WASF3: variants seen among roughly 807,000 people sequenced by gnomAD.
WASF3 encodes actin-binding protein WASF3.
A neutral mutation model predicts 46.6 loss-of-function variants in WASF3; 11 were observed. The ratio of observed to expected loss-of-function variants is 0.24; its 90% CI spans 0.15 to 0.39. The LOEUF (loss-of-function observed/expected upper bound fraction) is 0.39. Ranked by LOEUF, WASF3 falls within the 10% of genes least tolerant of loss-of-function variation. WASF3 has a pLI of 1.00. For synonymous variants in WASF3, 242 were observed against 259.7 expected, an observed-to-expected ratio of 0.93 and a Z score of 0.65; for missense variants, 576 against 669.8, an observed-to-expected ratio of 0.86 and a Z score of 1.55.
chr13:26,675,481 TACACACACACACACACACAC>T (rs56162218), intron 6 of WASF3, among the ~76,000 whole-genome samples: 17 of 145,770 alleles, frequency 1.2e-4, no homozygotes, highest in South Asian at 2.3e-4. Flanking sequence ...TAGACACACA[TACACACACACACACACACAC>T]ACACACACAC....
intron 7 of WASF3, among the ~76,000 whole-genome samples, chr13:26,677,824 T>G (rs1883111077): frequency 6.6e-6 from 1 of 152,236 alleles, no homozygotes; most frequent in Admixed American, 6.5e-5. Context: ...ATGAACTTAA[T>G]AGCTCCCATG....
chr13:26,610,914 C>A lies in WASF3; in HGVS notation c.-108-2047C>A, dbSNP rs139667166. Among the ~76,000 whole-genome samples the A allele has an allele frequency of 2.0e-5, 3 of 152,050 alleles. No homozygotes were observed. In the East Asian group the frequency reaches 5.8e-4, roughly 29 times the overall value. On this transcript the variant is annotated intron_variant, in intron 1 of 9. Transcript: ENST00000335327. ...TATTCACAAAGTCTAGTTAATTCTT[C>A]AAGACTTTTATGGTTCTTGACTTAT...
chr13:26,662,151 A>T (rs1015971828), intron 3 of WASF3, among the ~76,000 whole-genome samples: 2 of 152,196 alleles, frequency 1.3e-5, no homozygotes, highest in Non-Finnish European at 2.9e-5. Context: ...AAAATAACAG[A>T]TGTTGGCAAT....
intron 1 of WASF3, among the ~76,000 whole-genome samples, chr13:26,570,329 T>A (rs1372284994): frequency 2.0e-5 from 3 of 152,046 alleles, no homozygotes; most frequent in African/African-American, 4.8e-5. Flanking sequence ...TGTTTTAGGG[T>A]CCTTGTTGAT....
chr13:26,643,984 C>T (rs1263196448), intron 3 of WASF3, among the ~76,000 whole-genome samples: 1 of 152,182 alleles, frequency 6.6e-6, no homozygotes, highest in African/African-American at 2.4e-5. Flanking sequence ...TGCTAGTCAG[C>T]TTACTTTAAG....
intron 2 of WASF3, among the ~76,000 whole-genome samples, chr13:26,624,116 G>A (rs67396110): frequency 0.064 from 9,747 of 152,234 alleles, 842 homozygotes; most frequent in African/African-American, 0.19. Flanking sequence ...AAAGAATGAC[G>A]TGTTGTAAAT....
intron 1 of WASF3, among the ~76,000 whole-genome samples, chr13:26,588,671 TAA>T (rs1187871911): frequency 6.6e-6 from 1 of 152,214 alleles, no homozygotes; most frequent in Non-Finnish European, 1.5e-5. Flanking sequence ...CTTCCTCCAG[TAA>T]AGTGTCAGAG....
intron 5 of WASF3, among the ~76,000 whole-genome samples, chr13:26,669,636 C>A (rs1459550669): frequency 6.6e-6 from 1 of 152,150 alleles, no homozygotes; most frequent in Non-Finnish European, 1.5e-5. Flanking sequence ...GCCTCAGCCT[C>A]CCAAGTAGTT....
At chr13:26,548,968 T>C in the WASF3 span, among the ~76,000 whole-genome samples, 1 of 148,960 alleles carries the variant, frequency 6.7e-6, no homozygotes, top group South Asian at 2.2e-4. Context: ...CTACATTTTA[T>C]TTTTCTTTCT....
intron 3 of WASF3, among the ~76,000 whole-genome samples, chr13:26,662,429 A>G (rs1212440966): frequency 1.3e-5 from 2 of 152,244 alleles, no homozygotes; most frequent in Non-Finnish European, 2.9e-5. Flanking sequence ...TGGATTGGAT[A>G]AAGAAAATGT....
intron 1 of WASF3, among the ~76,000 whole-genome samples, chr13:26,596,718 G>A (rs1880474561): frequency 1.3e-5 from 2 of 152,054 alleles, no homozygotes; most frequent in African/African-American, 4.8e-5. Context: ...TATTTCTTAA[G>A]ATATCTTTTA....
At position 26,559,804 on chromosome 13, in the gene WASF3, CTTTCTTTTTTTTTTTTT is replaced by C. The variant is rs1414783945; in HGVS notation, c.-109+1989_-109+2005del. 1.4e-4 allele frequency among the ~76,000 whole-genome samples: 7 copies of C among 50,662 alleles called. No individual in the cohort carries two copies. In the East Asian group the frequency reaches 2.1e-3, roughly 15 times the overall value. The allele number at this position is 50,662 out of a possible 152,430, so 33.2% of individuals were successfully genotyped here. On this transcript the variant is annotated intron_variant, in intron 1 of 9. Transcript: ENST00000335327. ...TTTCTTTTCTTTTCTTTCTTTCTTT[CTTTCTTTTTTTTTTTTT>C]TTTTTTTTTTTTTGAGACGGAGTCT...
Position 26,572,988 on chromosome 13 carries a change from C to T in WASF3, c.-109+15169C>T, listed in dbSNP as rs921930508. Reference sequence around the variant, plus strand: ...CAGTCAGGTTCAGTTATTAATATTACACTTGATTTATAAAAAAGGATTTGG... The same window carrying T: ...CAGTCAGGTTCAGTTATTAATATTATACTTGATTTATAAAAAAGGATTTGG... On this transcript the variant is annotated intron_variant, in intron 1 of 9. Transcript: ENST00000335327. Among the ~76,000 whole-genome samples, 18 of 152,104 alleles carry T rather than the reference C, an allele frequency of 1.2e-4. 1 individual carries two copies. Among genetic ancestry groups the T allele is most frequent in the Admixed American group, 5.2e-4 (8 of 15,276 alleles).
intron 1 of WASF3, among the ~76,000 whole-genome samples, chr13:26,605,155 A>T (rs922688871): frequency 1.3e-5 from 2 of 152,064 alleles, no homozygotes; most frequent in Admixed American, 1.3e-4. Flanking sequence ...GCTAAAGAAA[A>T]CTGCTTAATG....
intron 1 of WASF3, among the ~76,000 whole-genome samples, chr13:26,585,724 A>G (rs1880109817): frequency 6.6e-6 from 1 of 151,890 alleles, no homozygotes; most frequent in Non-Finnish European, 1.5e-5. Flanking sequence ...GGTCTTACCT[A>G]GAAAAACCAT....
chr13:26,636,099 C>T (rs1212048436), intron 2 of WASF3, among the ~76,000 whole-genome samples: 2 of 152,250 alleles, frequency 1.3e-5, no homozygotes, highest in African/African-American at 4.8e-5. Flanking sequence ...TTTTGTTCAG[C>T]TATGCCCTGC....
In WASF3 at chr13:26,630,445, G is replaced by C. The variant is rs146736827; in HGVS notation, c.-10-11816G>C. 3.1e-3 allele frequency among the ~76,000 whole-genome samples: 479 copies of C among 152,186 alleles called. 3 individuals carry two copies. Among genetic ancestry groups the C allele is most frequent in the African/African-American group, 0.011 (451 of 41,484 alleles). On this transcript the variant is annotated intron_variant, in intron 2 of 9. Transcript: ENST00000335327. ...TGTCCTTGTGATAGTTTGCTGAGAA[G>C]GATGGTTTCTGGCTTCATCCATATT...
At chr13:26,544,080 G>T in the WASF3 span, among the ~76,000 whole-genome samples, 1 of 152,130 alleles carries the variant, frequency 6.6e-6, no homozygotes, top group African/African-American at 2.4e-5. Context: ...AGAGGCACAG[G>T]AAGAATTCAC....
intron 3 of WASF3, among the ~76,000 whole-genome samples, chr13:26,663,659 C>T (rs1328991734): frequency 6.6e-6 from 1 of 152,122 alleles, no homozygotes; most frequent in Admixed American, 6.5e-5. Context: ...TACACAGAAT[C>T]TATGAAATTA....
Sources: gnomAD v4.1 joint callset for allele counts (sites outside exome capture counted in the v4.1 genomes callset) on GRCh38, gnomAD v4.1.1 for gene constraint, MANE v1.5 for transcripts, NCBI Gene and HGNC (gene_info 2026-07-23, HGNC 2026-07-21) for gene names.